Variants in BTNL8 observed in about 807,000 individuals in gnomAD.
The protein encoded by BTNL8 is butyrophilin like 8.
A neutral mutation model predicts 36.1 loss-of-function variants in BTNL8; 22 were observed. The observed-to-expected ratio is 0.61, with a 90% confidence interval of 0.44 to 0.87. BTNL8 has a LOEUF of 0.87. BTNL8 is among the 40% of genes least tolerant of loss of function. BTNL8 has a pLI of 0.00. For synonymous variants in BTNL8, 203 were observed against 235.6 expected, an observed-to-expected ratio of 0.86 and a Z score of 1.27; for missense variants, 526 against 616.9, an observed-to-expected ratio of 0.85 and a Z score of 1.56.
In BTNL8 at chr5:180,949,586, C is replaced by A. The variant is rs1035914581; in HGVS notation, c.863-318C>A. 3.2e-5 allele frequency: 17 copies of A among 528,024 alleles called. 4 individuals are homozygous for A. In the East Asian group the frequency reaches 4.8e-4, roughly 15 times the overall value. The allele number at this position is 528,024 out of a possible 1,614,324, so 32.7% of individuals were successfully genotyped here. A position where few individuals can be genotyped will look rare whatever the true frequency, so the allele number is the denominator to read the frequency against. On this transcript the variant is annotated intron_variant, in intron 7 of 7. Coordinates refer to ENST00000340184, the MANE Select transcript of BTNL8 (RefSeq NM_001040462.3). ...AGGAAGTAAAGTCAGGCAGAAAATT[C>A]TGAGTGGGAGGAAGTTAGATAGTGG...
chr5:180,940,775 A>T (rs1177678197), intron 3 of BTNL8, among the ~76,000 whole-genome samples: 1 of 152,116 alleles, frequency 6.6e-6, no homozygotes, highest in Non-Finnish European at 1.5e-5. Context: ...ACTATTAAGA[A>T]CTATATGCCA....
chr5:180,926,084 T>G (rs374575462), intron 3 of BTNL8, among the ~76,000 whole-genome samples: 1 of 152,156 alleles, frequency 6.6e-6, no homozygotes, highest in African/African-American at 2.4e-5. Context: ...GCAAGATCAA[T>G]GCAGAAGGGA....
chr5:180,947,521 T>C lies in BTNL8; in HGVS notation c.683T>C (p.Phe228Ser), dbSNP rs1375914731. 6.2e-7 allele frequency: 1 copy of C among 1,613,422 alleles called. No individual in the cohort carries two copies. Among genetic ancestry groups the C allele is most frequent in the East Asian group, 2.2e-5 (1 of 44,880 alleles). Residue 228 changes from phenylalanine (F) to serine (S), a missense_variant, in exon 4 of 8, where the codon TTC becomes TCC. Around this residue, in one of 2 missense-constraint regions of BTNL8, gnomAD observed 350 missense variants for 324.6 expected, o/e 1.08. Coordinates refer to ENST00000340184, the MANE Select transcript of BTNL8 (RefSeq NM_001040462.3). ...ESRVQIGDTF[F>S]EPISWHLATK... ...TGGGATTGTTTTTCAGATACCTTTT[T>C]CGAGCCTATATCGTGGCACCTGGCT...
chr5:180,924,331 A>G (rs1032700312), intron 3 of BTNL8, among the ~76,000 whole-genome samples: 2 of 152,222 alleles, frequency 1.3e-5, no homozygotes, highest in African/African-American at 4.8e-5. Flanking sequence ...TCTGTGGAGC[A>G]TAGCCTCTGG....
At chr5:180,937,073 C>A (rs1261378734) in intron 3 of BTNL8, among the ~76,000 whole-genome samples, 7 of 152,190 alleles carry the variant, frequency 4.6e-5, no homozygotes, top group Admixed American at 1.3e-4. Flanking sequence ...ACGCAGCCCC[C>A]CAGGAGTCTC....
intron 1 of BTNL8, among the ~76,000 whole-genome samples, chr5:180,902,682 T>G (rs7735854): frequency 8.8e-6 from 1 of 113,364 alleles, no homozygotes; most frequent in African/African-American, 3.2e-5. Flanking sequence ...CCCCTCCCCC[T>G]ACCCCACAAC....
In BTNL8 at chr5:180,937,164, G is replaced by A. The variant is rs113808601; in HGVS notation, c.674-10348G>A. ...AGAGCTGCTGCATGCTACGTGCATC[G>A]TCTAGGACTCCAGGTACTGGCCCAC... is the stretch of plus-strand genomic sequence containing the variant. On this transcript the variant is annotated intron_variant, in intron 3 of 7. Coordinates refer to ENST00000340184, the MANE Select transcript of BTNL8 (RefSeq NM_001040462.3). 4.1e-3 allele frequency among the ~76,000 whole-genome samples: 629 copies of A among 152,238 alleles called. 8 individuals carry two copies. The highest frequency in any genetic ancestry group is 0.014 in the African/African-American group (591 of 41,534).
chr5:180,915,702 G>A (rs1757597210), intron 3 of BTNL8, among the ~76,000 whole-genome samples: 1 of 152,202 alleles, frequency 6.6e-6, no homozygotes, highest in East Asian at 1.9e-4. Context: ...CCATGATTAA[G>A]TGAGCTTTAT....
At chr5:180,941,916 T>TTTTTTTTTTTTTTTTTTTTTTG (rs1172840637) in intron 3 of BTNL8, among the ~76,000 whole-genome samples, 1 of 150,640 alleles carries the variant, frequency 6.6e-6, no homozygotes. Context: ...ACTACTCTTA[T>TTTTTTTTTTTTTTTTTTTTTTG]TCAACAAAGT....
At chr5:180,912,780 A>G (rs1757460891) in intron 3 of BTNL8, among the ~76,000 whole-genome samples, 1 of 152,186 alleles carries the variant, frequency 6.6e-6, no homozygotes, top group Non-Finnish European at 1.5e-5. Context: ...TTTGCGACCC[A>G]TAATTAAGCA....
intron 3 of BTNL8, among the ~76,000 whole-genome samples, chr5:180,936,255 A>G (rs1338263580): frequency 6.6e-6 from 1 of 152,106 alleles, no homozygotes; most frequent in Non-Finnish European, 1.5e-5. Context: ...CAGTTAGGCA[A>G]AAGAAAGAAA....
At chr5:180,918,939 T>C (rs1307096217) in intron 3 of BTNL8, among the ~76,000 whole-genome samples, 3 of 152,106 alleles carry the variant, frequency 2.0e-5, no homozygotes, top group Non-Finnish European at 4.4e-5. Flanking sequence ...TTAGAGGCAA[T>C]AGGTGGCAAA....
In BTNL8 at chr5:180,927,054, G is replaced by C. The variant is rs188866323; in HGVS notation, c.673+15440G>C. Among the ~76,000 whole-genome samples the C allele has an allele frequency of 3.9e-3, 596 of 152,328 alleles. 7 individuals are homozygous for C. Among genetic ancestry groups the C allele is most frequent in the Non-Finnish European group, 2.4e-3 (160 of 68,028 alleles). On this transcript the variant is annotated intron_variant, in intron 3 of 7. Coordinates refer to ENST00000340184, the MANE Select transcript of BTNL8 (RefSeq NM_001040462.3). ...AGACACCTCCCAGCAGGGGTCGACA[G>C]ACGCCTCATACAGGAGAGCTCCGGC...
chr5:180,927,116 C>A (rs1055896520), intron 3 of BTNL8, among the ~76,000 whole-genome samples: 13 of 152,194 alleles, frequency 8.5e-5, no homozygotes, highest in African/African-American at 3.1e-4. Context: ...ACGAACCTTA[C>A]AGAGGAAGGA....
chr5:180,911,299 T>C (rs1395761842), intron 2 of BTNL8, 40 bp from the exon 3 acceptor site: 2 of 1,604,586 alleles, frequency 1.2e-6, no homozygotes, highest in South Asian at 1.1e-5. Context: ...GGCTTTGGGA[T>C]GTGATCTTTG....
intron 3 of BTNL8, among the ~76,000 whole-genome samples, chr5:180,941,367 C>T (rs1045355770): frequency 6.6e-6 from 1 of 152,138 alleles, no homozygotes; most frequent in Non-Finnish European, 1.5e-5. Flanking sequence ...TTCTATTAAA[C>T]TTTTAAAGAA....
At chr5:180,937,527 A>C (rs1162027102) in intron 3 of BTNL8, among the ~76,000 whole-genome samples, 1 of 152,246 alleles carries the variant, frequency 6.6e-6, no homozygotes, top group African/African-American at 2.4e-5. Context: ...AGGGAACTAG[A>C]AAAATAAAAA....
intron 1 of BTNL8, among the ~76,000 whole-genome samples, chr5:180,907,554 C>T (rs368232839): frequency 9.5e-5 from 14 of 146,940 alleles, no homozygotes; most frequent in East Asian, 3.9e-4. Context: ...AGCTTTGTTC[C>T]GTTGCTGGTG....
chr5:180,941,914 T>TTTTTTTTTTTTTTTTTTTTTTTTTTAG (rs1281454934), intron 3 of BTNL8, among the ~76,000 whole-genome samples: 8 of 150,974 alleles, frequency 5.3e-5, no homozygotes, highest in African/African-American at 9.8e-5. Context: ...TTACTACTCT[T>TTTTTTTTTTTTTTTTTTTTTTTTTTAG]ATTCAACAAA....
Sources: allele counts gnomAD v4.1 joint callset (sites outside exome capture counted in the v4.1 genomes callset), GRCh38; gene constraint gnomAD v4.1.1; regional missense constraint gnomAD v4.1.1; transcripts MANE v1.5; gene names NCBI Gene and HGNC (gene_info 2026-07-23, HGNC 2026-07-21).